Variants in ZFHX3 observed in about 807,000 individuals in gnomAD.
ZFHX3 encodes zinc finger homeobox 3.
In ZFHX3, 42 loss-of-function variants were observed where a neutral mutation model predicts 279.1. That is an observed-to-expected ratio of 0.15 (90% confidence interval 0.12 to 0.19). ZFHX3 has a LOEUF of 0.19. Among genes scored for constraint, ZFHX3 ranks in the 10% least tolerant of loss-of-function variants. The pLI is 1.00. For missense variants in ZFHX3, 4,981 were observed against 4,754.0 expected (o/e 1.05, Z -1.40); for synonymous variants, 2,293 against 1,957.8 (o/e 1.17, Z -4.52).
intron 7 of ZFHX3, among the ~76,000 whole-genome samples, chr16:73,128,178 AG>A (rs59876736): frequency 0.034 from 5,123 of 152,230 alleles, 273 homozygotes; most frequent in African/African-American, 0.12. Context: ...TGACTGATAC[AG>A]GGGGGCTGGG....
intron 1 of ZFHX3, among the ~76,000 whole-genome samples, chr16:73,851,266 T>A (rs893563651): frequency 4.6e-5 from 7 of 152,182 alleles, no homozygotes; most frequent in African/African-American, 1.4e-4. Context: ...AGCCCACATG[T>A]TCTACCAGAG....
intron 5 of ZFHX3, among the ~76,000 whole-genome samples, chr16:73,245,623 G>A (rs567291970): frequency 3.9e-5 from 6 of 152,222 alleles, no homozygotes; most frequent in Non-Finnish European, 7.3e-5. Flanking sequence ...TTCCAAAGAC[G>A]TAGGGCTCCT....
chr16:73,016,944 G>A (rs9924957), intron 1 of ZFHX3, among the ~76,000 whole-genome samples: 2,114 of 152,036 alleles, frequency 0.014, 48 homozygotes, highest in African/African-American at 0.048. Flanking sequence ...AGACTAAGGG[G>A]GCTGGGCGCA....
chr16:73,837,797 C>T (rs1228078932), intron 1 of ZFHX3, among the ~76,000 whole-genome samples: 1 of 152,078 alleles, frequency 6.6e-6, no homozygotes, highest in East Asian at 1.9e-4. Flanking sequence ...CCACCACGCC[C>T]GGCTAATTTG....
Position 72,794,166 on chromosome 16 carries a change from T to C in ZFHX3, c.8516A>G (p.Asn2839Ser). 6.2e-7 allele frequency: 1 copy of C among 1,614,222 alleles called. No individual in the cohort carries two copies. The highest frequency in any genetic ancestry group is 1.1e-5 in the South Asian group (1 of 91,086). The change falls in exon 9 of 10, where the codon AAC (asparagine) becomes AGC (serine). Residue 2839 changes from asparagine (N) to serine (S), a missense_variant. Asn to Ser is a conservative substitution (Grantham distance 46, BLOSUM62 1). Coordinates refer to ENST00000268489, the MANE Select transcript of ZFHX3 (RefSeq NM_006885.4). The surrounding 1 kb of genome is among the most constrained non-coding windows in gnomAD (Gnocchi z 4.2). ...AGTTGTGGTATCTGTGATTGCTGTG[T>C]TGACAGAGGAACAGTCATCGTTGTC... is the stretch of plus-strand genomic sequence containing the variant. ...KLDNDDCSSV[N>S]TAITDTTTGD...
At chr16:72,942,964 G>C (rs749091289) in intron 3 of ZFHX3, among the ~76,000 whole-genome samples, 7 of 152,214 alleles carry the variant, frequency 4.6e-5, no homozygotes, top group Non-Finnish European at 8.8e-5. Flanking sequence ...CCAGGAAAGA[G>C]AGCCAGGCCT....
At chr16:73,450,119 T>A (rs1049620853) in intron 3 of ZFHX3, among the ~76,000 whole-genome samples, 34 of 152,308 alleles carry the variant, frequency 2.2e-4, no homozygotes, top group African/African-American at 6.7e-4. Context: ...AATTAACATA[T>A]CTATCACCAC....
chr16:73,517,976 A>G (rs1222839641), intron 2 of ZFHX3, among the ~76,000 whole-genome samples: 1 of 152,234 alleles, frequency 6.6e-6, no homozygotes, highest in Non-Finnish European at 1.5e-5. Context: ...CATTTTATTC[A>G]GCCCAGTATA....
rs1960968636 is a variant in ZFHX3 at position 72,950,972 on chromosome 16, G to GGAAGGAGA, written c.2720-15_2720-8dup. Reference sequence around the variant, plus strand: ...AGGGGGATCTCACCGCCCACTGCAGGGAAGGAGAGAAGGAGAGAGTCAGAC... The same window carrying GGAAGGAGA: ...AGGGGGATCTCACCGCCCACTGCAGGGAAGGAGAGAAGGAGAGAAGGAGAGAGTCAGAC... On this transcript the variant is annotated splice_region_variant and splice_polypyrimidine_tract_variant and intron_variant, in intron 2 of 9. Coordinates refer to ENST00000268489, the MANE Select transcript of ZFHX3 (RefSeq NM_006885.4). The GGAAGGAGA allele has an allele frequency of 6.2e-7, 1 of 1,607,700 alleles. No individual in the cohort carries two copies. Among genetic ancestry groups the GGAAGGAGA allele is most frequent in the East Asian group, 2.2e-5 (1 of 44,698 alleles).
chr16:73,877,495 G>T (rs2142408090), intron 1 of ZFHX3, among the ~76,000 whole-genome samples: 1 of 152,274 alleles, frequency 6.6e-6, no homozygotes, highest in South Asian at 2.1e-4. Context: ...AAGGAATCAA[G>T]TTGGGTATTT....
chr16:72,994,144 T>G (rs1160541623), intron 1 of ZFHX3, among the ~76,000 whole-genome samples: 1 of 152,240 alleles, frequency 6.6e-6, no homozygotes, highest in Non-Finnish European at 1.5e-5. Context: ...TGTGGTTTTG[T>G]TCTCTCTTAA....
At chr16:73,275,563 C>T (rs2014273781) in intron 4 of ZFHX3, among the ~76,000 whole-genome samples, 2 of 152,238 alleles carry the variant, frequency 1.3e-5, no homozygotes, top group Admixed American at 6.5e-5. Flanking sequence ...ATTCTGAGTT[C>T]GATTCCAGAC....
At chr16:73,702,705 G>A (rs920895373) in intron 1 of ZFHX3, among the ~76,000 whole-genome samples, 3 of 152,120 alleles carry the variant, frequency 2.0e-5, no homozygotes, top group South Asian at 2.1e-4. Flanking sequence ...GGGTCCCATA[G>A]ATGATTATAA....
At chr16:73,477,805 G>A (rs1422121255) in intron 2 of ZFHX3, among the ~76,000 whole-genome samples, 1 of 152,114 alleles carries the variant, frequency 6.6e-6, no homozygotes, top group Non-Finnish European at 1.5e-5. Context: ...AAAGGGCTTG[G>A]GTATCACTGG....
At chr16:73,375,924 G>A (rs548971396) in intron 3 of ZFHX3, among the ~76,000 whole-genome samples, 17 of 152,242 alleles carry the variant, frequency 1.1e-4, no homozygotes, top group Admixed American at 9.2e-4. Context: ...TGGATACACC[G>A]TTGGGTTCAT....
chr16:72,793,403 C>G lies in ZFHX3; in HGVS notation c.9279G>C (p.Leu3093=). ...CAAACATCCCTTGCTGCTGAGCTGC[C>G]AGTCCAAGGACCTCGTTGGCCTTTT... ...RIKKANEVLG[L]AAQQQGMFDN... The change falls in exon 9 of 10, where the codon CTG becomes CTC. Residue 3093 remains leucine, a synonymous_variant. Coordinates refer to ENST00000268489, the MANE Select transcript of ZFHX3 (RefSeq NM_006885.4). This position sits in a 1 kb window ranked among gnomAD's most constrained non-coding sequence, Gnocchi z 4.3. 1 of 1,614,184 alleles carries G rather than the reference C, an allele frequency of 6.2e-7. No individual in the cohort carries two copies. Among genetic ancestry groups the G allele is most frequent in the Non-Finnish European group, 8.5e-7 (1 of 1,180,030 alleles).
chr16:73,481,584 G>A (rs1214040399), intron 2 of ZFHX3, among the ~76,000 whole-genome samples: 4 of 152,008 alleles, frequency 2.6e-5, no homozygotes, highest in African/African-American at 9.7e-5. Flanking sequence ...ACAGGTGCAT[G>A]CCAGCCATGC....
intron 3 of ZFHX3, among the ~76,000 whole-genome samples, chr16:72,914,009 G>C (rs1271546846): frequency 2.0e-5 from 3 of 152,228 alleles, no homozygotes; most frequent in Admixed American, 2.0e-4. Flanking sequence ...GTGAAATGTG[G>C]AACCAAGAGG....
At chr16:73,098,160 T>C (rs1671766080) in intron 7 of ZFHX3, among the ~76,000 whole-genome samples, 1 of 151,614 alleles carries the variant, frequency 6.6e-6, no homozygotes, top group Non-Finnish European at 1.5e-5. Flanking sequence ...CTCTGTCTCC[T>C]GGGTTCAAGC....
Sources: allele counts gnomAD v4.1 joint callset (sites outside exome capture counted in the v4.1 genomes callset), GRCh38; gene constraint gnomAD v4.1.1; non-coding constraint Gnocchi (gnomAD v3.1); transcripts MANE v1.5; gene names NCBI Gene and HGNC (gene_info 2026-07-23, HGNC 2026-07-21).